The following OSBPL6 variants were observed in gnomAD, a reference collection of about 807,000 sequenced individuals.
OSBPL6 encodes the protein oxysterol binding protein like 6, also known as oxysterol-binding protein-related protein 6.
OSBPL6 carries 49 observed loss-of-function variants against 125.8 expected under a neutral mutation model. The observed-to-expected ratio is 0.39, with a 90% CI of 0.31 to 0.49. The LOEUF (loss-of-function observed/expected upper bound fraction) is 0.49, where lower values mean the gene tolerates loss of function less well. OSBPL6 is among the 20% of genes least tolerant of loss of function. OSBPL6 has a pLI of 0.88. For missense variants in OSBPL6, 986 were observed against 1,135.4 expected (o/e 0.87, Z 1.89); for synonymous variants, 394 against 391.8 (o/e 1.01, Z -0.07).
chr2:178,216,709 G>A (rs1305072822), intron 1 of OSBPL6, among the ~76,000 whole-genome samples: 2 of 152,166 alleles, frequency 1.3e-5, no homozygotes, highest in Non-Finnish European at 2.9e-5. Flanking sequence ...TCTCTACAAC[G>A]TACCTATCAA....
At chr2:178,305,902 G>A (rs1452829961) in intron 2 of OSBPL6, 128 bp from the exon 3 acceptor site, 1 of 218,196 alleles carries the variant, frequency 4.6e-6, no homozygotes, top group Non-Finnish European at 8.9e-6. Flanking sequence ...AAAATCTAGA[G>A]GAAGAAGTAT....
Position 178,306,285 on chromosome 2 carries a change from A to C in OSBPL6, c.101A>C (p.Gln34Pro), listed in dbSNP as rs754759558. 4 of 1,592,284 alleles carry C rather than the reference A, an allele frequency of 2.5e-6. No homozygotes were observed. The highest frequency in any genetic ancestry group is 1.7e-6 in the Non-Finnish European group (2 of 1,160,126). The change falls in exon 3 of 25, where the codon CAG (glutamine) becomes CCG (proline). Residue 34 changes from glutamine (Q) to proline (P), a missense_variant and splice_region_variant. By Grantham distance (76) the Gln-to-Pro change is moderately conservative. Transcript: ENST00000190611. ...ACATCCTCCCAAAGGGACAGTAGGC[A>C]GGTAAGAGAAGAGCATTAAGTGCCT... The part of the protein sequence containing the change: ...SSTSSQRDSR[Q>P]SIHILERTAS...
chr2:178,247,436 G>A (rs953743942), intron 1 of OSBPL6, among the ~76,000 whole-genome samples: 7 of 151,956 alleles, frequency 4.6e-5, no homozygotes, highest in South Asian at 2.1e-4. Flanking sequence ...GTTTGGTTTC[G>A]TTCTGATGTG....
intron 1 of OSBPL6, among the ~76,000 whole-genome samples, chr2:178,261,778 G>A (rs1469935322): frequency 6.6e-6 from 1 of 152,116 alleles, no homozygotes; most frequent in Admixed American, 6.5e-5. Flanking sequence ...TGTATTGAAC[G>A]AATTTCAACT....
At chr2:178,319,816 G>A (rs188137975) in intron 3 of OSBPL6, among the ~76,000 whole-genome samples, 11 of 152,256 alleles carry the variant, frequency 7.2e-5, no homozygotes, top group Admixed American at 4.6e-4. Flanking sequence ...CTTGAAGAAC[G>A]TACTTTAGAA....
chr2:178,358,232 A>T (rs989856650), intron 12 of OSBPL6, among the ~76,000 whole-genome samples: 4 of 152,198 alleles, frequency 2.6e-5, no homozygotes, highest in East Asian at 1.9e-4. Context: ...AAACTAAAAT[A>T]AAAAAATTTA....
In OSBPL6 at chr2:178,223,314, T is replaced by C. The variant is rs546762504; in HGVS notation, c.-351+28640T>C. On this transcript the variant is annotated intron_variant, in intron 1 of 24. Transcript: ENST00000190611. ...AATTTTGTGGTTACATTCCCTCCTT[T>C]GTGTTTTTCCCATTTTTCTTTAAAG... Among the ~76,000 whole-genome samples, 3 of 152,328 alleles carry C rather than the reference T, an allele frequency of 2.0e-5. No homozygotes were observed. The East Asian group carries it at 5.8e-4, about 29-fold the overall frequency.
At chr2:178,193,850 C>T (rs16866156), upstream of OSBPL6, among the ~76,000 whole-genome samples, 1,208 of 152,320 alleles carry the variant, frequency 7.9e-3, 25 homozygotes, top group East Asian at 0.076. Flanking sequence ...GGAACCGGCT[C>T]TTCCTTTCGC....
At chr2:178,298,722 C>T (rs568763129) in intron 2 of OSBPL6, among the ~76,000 whole-genome samples, 10 of 144,290 alleles carry the variant, frequency 6.9e-5, no homozygotes, top group African/African-American at 2.5e-4. Context: ...TTTTTTTTGC[C>T]GTACTGTTCT....
intron 1 of OSBPL6, among the ~76,000 whole-genome samples, chr2:178,195,414 G>T (rs1416621204): frequency 6.6e-6 from 1 of 152,230 alleles, no homozygotes; most frequent in Non-Finnish European, 1.5e-5. Context: ...AGATCGTGTC[G>T]CCGGGGATGC....
chr2:178,238,100 G>A (rs2091136016), intron 1 of OSBPL6, among the ~76,000 whole-genome samples: 1 of 151,956 alleles, frequency 6.6e-6, no homozygotes, highest in Non-Finnish European at 1.5e-5. Context: ...ATTCTTTTGG[G>A]GTCAGCTCCT....
intron 2 of OSBPL6, among the ~76,000 whole-genome samples, chr2:178,302,532 A>C (rs1001483289): frequency 7.9e-5 from 12 of 152,206 alleles, no homozygotes; most frequent in Non-Finnish European, 1.6e-4. Flanking sequence ...ATTGGTTGGA[A>C]TAATCTTTAA....
chr2:178,203,847 A>G lies in OSBPL6; in HGVS notation c.-351+9173A>G, dbSNP rs1040171033. Among the ~76,000 whole-genome samples the G allele has an allele frequency of 2.0e-5, 3 of 152,256 alleles. No homozygotes were observed. The South Asian group carries it at 6.2e-4, about 32-fold the overall frequency. ...AAGACCCTTCTGTGTACTGTACCCA[A>G]TGTCCGCTGAATCATGAGGCTTTCT... On this transcript the variant is annotated intron_variant, in intron 1 of 24. Coordinates refer to ENST00000190611, the MANE Select transcript of OSBPL6 (RefSeq NM_032523.4).
At chr2:178,251,059 G>A (rs756230350) in intron 1 of OSBPL6, among the ~76,000 whole-genome samples, 19 of 152,182 alleles carry the variant, frequency 1.2e-4, no homozygotes, top group Admixed American at 2.6e-4. Flanking sequence ...GAGTGAGTGT[G>A]TATTTGATTC....
chr2:178,313,581 T>C (rs912382980), intron 3 of OSBPL6, among the ~76,000 whole-genome samples: 7 of 152,124 alleles, frequency 4.6e-5, no homozygotes, highest in Non-Finnish European at 1.0e-4. Flanking sequence ...ATAAAGAACA[T>C]TTTAAGGAAA....
chr2:178,246,371 C>T (rs1201906876), intron 1 of OSBPL6, among the ~76,000 whole-genome samples: 1 of 152,090 alleles, frequency 6.6e-6, no homozygotes, highest in Non-Finnish European at 1.5e-5. Context: ...GCTCTGGGCA[C>T]CTTCTCCTGT....
intron 19 of OSBPL6, among the ~76,000 whole-genome samples, chr2:178,386,142 G>A (rs1490243365): frequency 2.0e-5 from 3 of 152,176 alleles, no homozygotes; most frequent in Non-Finnish European, 2.9e-5. Flanking sequence ...ATTACTCACA[G>A]AATGACTTCT....
intron 17 of OSBPL6, 34 bp downstream of exon 17, chr2:178,383,311 G>C (rs760166455): frequency 6.2e-7 from 1 of 1,602,762 alleles, no homozygotes; most frequent in East Asian, 2.2e-5. Context: ...CGCCCCTCAG[G>C]GATTTGCCAA....
Position 178,382,444 on chromosome 2 carries a change from A to G in OSBPL6, c.1558A>G (p.Ser520Gly). The G allele has an allele frequency of 6.2e-7, 1 of 1,613,426 alleles. No homozygotes were observed. The highest frequency in any genetic ancestry group is 8.5e-7 in the Non-Finnish European group (1 of 1,179,700). Residue 520 changes from serine (S) to glycine (G), a missense_variant, in exon 16 of 25, where the codon AGT (serine) becomes GGT (glycine). Transcript: ENST00000190611. Reference sequence around the variant, plus strand: ...GGCTTCAGATGATGAGTCTTACATCAGTGATGTGAGTGATAATATATCTGA... The same window carrying G: ...GGCTTCAGATGATGAGTCTTACATCGGTGATGTGAGTGATAATATATCTGA... ...NEASDDESYI[S>G]DVSDNISEDN... is the part of the protein sequence containing the mutation.
Sources: gnomAD v4.1 joint callset for allele counts (sites outside exome capture counted in the v4.1 genomes callset) on GRCh38, gnomAD v4.1.1 for gene constraint, MANE v1.5 for transcripts, NCBI Gene and HGNC (gene_info 2026-07-23, HGNC 2026-07-21) for gene names.